Variants in CCDC88C observed in about 807,000 individuals in gnomAD.
The protein encoded by CCDC88C is coiled-coil and HOOK domain protein 88C, also known as protein Daple.
In CCDC88C, 131 loss-of-function variants were observed where a neutral mutation model predicts 198.8. That is an observed-to-expected ratio of 0.66 (90% CI 0.57 to 0.76). The LOEUF (loss-of-function observed/expected upper bound fraction) is 0.76, where lower values mean the gene tolerates loss of function less well. Among genes scored for constraint, CCDC88C ranks in the 30% least tolerant of loss-of-function variants. CCDC88C has a pLI of 0.00. For missense variants in CCDC88C, 2,553 were observed against 2,631.6 expected (o/e 0.97, Z 0.65); for synonymous variants, 1,166 against 1,114.7 (o/e 1.05, Z -0.92).
intron 3 of CCDC88C, among the ~76,000 whole-genome samples, chr14:91,361,888 G>C (rs1250480807): frequency 6.6e-6 from 1 of 152,150 alleles, no homozygotes; most frequent in Admixed American, 6.6e-5. Flanking sequence ...AGTGAAAGGA[G>C]AGTGCCCAAT....
At chr14:91,357,102 G>A (rs1347718741) in intron 4 of CCDC88C, among the ~76,000 whole-genome samples, 3 of 152,234 alleles carry the variant, frequency 2.0e-5, no homozygotes, top group South Asian at 2.1e-4. Context: ...GTTTGGGGGC[G>A]GACAGAGCAG....
chr14:91,297,143 G>A (rs188914726), intron 22 of CCDC88C, among the ~76,000 whole-genome samples, 162 bp downstream of exon 22: 1 of 152,298 alleles, frequency 6.6e-6, no homozygotes, highest in Admixed American at 6.5e-5. Context: ...AATGACCCCC[G>A]TCAGCACCTC....
intron 13 of CCDC88C, among the ~76,000 whole-genome samples, chr14:91,316,727 G>C (rs1188938392): frequency 6.6e-6 from 1 of 152,198 alleles, no homozygotes; most frequent in African/African-American, 2.4e-5. Context: ...TTGCATTTCT[G>C]ATTGCTGTTG....
rs745446764 is a variant in CCDC88C at position 91,414,578 on chromosome 14, G to C, written c.161+2160C>G. 4.6e-5 allele frequency among the ~76,000 whole-genome samples: 7 copies of C among 152,254 alleles called. No homozygotes were observed. The South Asian group carries it at 1.0e-3, about 23-fold the overall frequency. On this transcript the variant is annotated intron_variant, in intron 2 of 29. Coordinates refer to ENST00000389857, the MANE Select transcript of CCDC88C (RefSeq NM_001080414.4). ...TTCCAGTCAATCCTCACCACTTCCA[G>C]ACACAAAAACACTATTCTGACTTCT...
At chr14:91,372,464 G>A (rs954073648) in intron 3 of CCDC88C, among the ~76,000 whole-genome samples, 2 of 145,616 alleles carry the variant, frequency 1.4e-5, no homozygotes, top group African/African-American at 2.5e-5. Flanking sequence ...CAAGAAGGAG[G>A]TGGCCGGAAG....
intron 22 of CCDC88C, among the ~76,000 whole-genome samples, chr14:91,295,543 C>G (rs1890965175): frequency 6.6e-6 from 1 of 152,172 alleles, no homozygotes; most frequent in South Asian, 2.1e-4. Context: ...TGGGCCCCAC[C>G]CTTCAGCCCA....
At chr14:91,407,828 G>A (rs1393896743) in intron 3 of CCDC88C, among the ~76,000 whole-genome samples, 1 of 151,194 alleles carries the variant, frequency 6.6e-6, no homozygotes, top group Non-Finnish European at 1.5e-5. Context: ...CTGTCACCAG[G>A]ACAGAGTACA....
intron 10 of CCDC88C, among the ~76,000 whole-genome samples, chr14:91,337,351 T>G (rs889473086): frequency 1.3e-5 from 2 of 152,246 alleles, no homozygotes; most frequent in African/African-American, 4.8e-5. Flanking sequence ...ATTTTATTTT[T>G]AGGGACAGGG....
At chr14:91,316,856 C>T (rs1892121829) in intron 13 of CCDC88C, among the ~76,000 whole-genome samples, 1 of 152,222 alleles carries the variant, frequency 6.6e-6, no homozygotes, top group Non-Finnish European at 1.5e-5. Flanking sequence ...GACCTGTGCA[C>T]CTGATGAACC....
chr14:91,306,652 A>C (rs1596050065), intron 18 of CCDC88C, among the ~76,000 whole-genome samples: 1 of 152,234 alleles, frequency 6.6e-6, no homozygotes, highest in Non-Finnish European at 1.5e-5. Flanking sequence ...TTTCCATCTC[A>C]ACCTAAAGAA....
Position 91,352,046 on chromosome 14 carries a change from G to A in CCDC88C, c.340+7596C>T, listed in dbSNP as rs1190013697. On this transcript the variant is annotated intron_variant, in intron 4 of 29. Transcript: ENST00000389857. This position sits in a 1 kb window ranked among gnomAD's most constrained non-coding sequence, Gnocchi z 4.2. ...ACTCAAGTTTGCCCTGGGAAGGGGCGAGGAGCTAGGGCAGGCAGGGGACGC... is the reference window on the plus strand; with the variant it reads ...ACTCAAGTTTGCCCTGGGAAGGGGCAAGGAGCTAGGGCAGGCAGGGGACGC... Among the ~76,000 whole-genome samples the A allele has an allele frequency of 1.3e-5, 2 of 152,238 alleles. No homozygotes were observed. The highest frequency in any genetic ancestry group is 2.9e-5 in the Non-Finnish European group (2 of 68,044).
At chr14:91,364,456 T>C (rs933327888) in intron 3 of CCDC88C, among the ~76,000 whole-genome samples, 1 of 152,068 alleles carries the variant, frequency 6.6e-6, no homozygotes, top group Non-Finnish European at 1.5e-5. Context: ...GGCAGGTGCA[T>C]TTGTGTTTTG....
At chr14:91,343,184 G>A (rs1052178301) in intron 5 of CCDC88C, among the ~76,000 whole-genome samples, 2 of 152,084 alleles carry the variant, frequency 1.3e-5, no homozygotes, top group Non-Finnish European at 2.9e-5. Context: ...TTGAACTCCC[G>A]ACCTCAAGCG....
chr14:91,384,271 CTCTT>C (rs1203755546), intron 3 of CCDC88C: 28 of 298,894 alleles, frequency 9.4e-5, no homozygotes, highest in African/African-American at 7.9e-4. Context: ...ACCCCCATCT[CTCTT>C]TTTTTTTTTT....
chr14:91,355,643 C>A (rs2139895713), intron 4 of CCDC88C, among the ~76,000 whole-genome samples: 1 of 152,294 alleles, frequency 6.6e-6, no homozygotes, highest in East Asian at 1.9e-4. Context: ...ATTTCAAAAG[C>A]AATTTTCAGT....
intron 10 of CCDC88C, among the ~76,000 whole-genome samples, chr14:91,328,179 TGGAGATGGCCAGGAGTG>T (rs1466585642): frequency 6.6e-6 from 1 of 152,202 alleles, no homozygotes; most frequent in Non-Finnish European, 1.5e-5. Context: ...CCGGAATGAA[TGGAGATGGCCAGGAGTG>T]GGAGATGGCA....
chr14:91,375,707 C>G (rs372264361), intron 3 of CCDC88C, among the ~76,000 whole-genome samples: 1 of 152,190 alleles, frequency 6.6e-6, no homozygotes, highest in Admixed American at 6.5e-5. Flanking sequence ...AGCCCTGCCT[C>G]GGCAGCAAGT....
In CCDC88C at chr14:91,408,954, G is replaced by A. The variant is rs553597673; in HGVS notation, c.162-187C>T. On this transcript the variant is annotated intron_variant, in intron 2 of 29. Coordinates refer to ENST00000389857, the MANE Select transcript of CCDC88C (RefSeq NM_001080414.4). ...GCCAGGACCTCAGGTGGGCCACATC[G>A]CCTTTCTGCTCCCTGACCCGAGCAC... Among the ~76,000 whole-genome samples, 171 of 152,176 alleles carry A rather than the reference G, an allele frequency of 1.1e-3. 1 individual carries two copies. The highest frequency in any genetic ancestry group is 5.4e-4 in the Non-Finnish European group (37 of 68,006).
rs2139807141 is a variant in CCDC88C, at chr14:91,314,006, C to T, written c.1810G>A (p.Gly604Ser). 6.2e-7 allele frequency: 1 copy of T among 1,613,924 alleles called. No individual in the cohort carries two copies. The highest frequency in any genetic ancestry group is 8.5e-7 in the Non-Finnish European group (1 of 1,179,876). ...TCAAACTCCAACTGGCTGAGCTTGC[C>T]ATTGGCCTCCGTCACCGTCTGGTGG... is the stretch of plus-strand genomic sequence containing the variant. ...ALHQTVTEAN[G>S]KLSQLEFEKR... The change falls in exon 15 of 30, where the codon GGC becomes AGC. Residue 604 changes from glycine to serine, a missense_variant. Gly to Ser is a moderately conservative substitution (Grantham distance 56). Around this residue, in one of 2 missense-constraint regions of CCDC88C, gnomAD observed 1,260 missense variants for 1,412.0 expected, o/e 0.89. Coordinates refer to ENST00000389857, the MANE Select transcript of CCDC88C (RefSeq NM_001080414.4).
Sources: allele counts gnomAD v4.1 joint callset (sites outside exome capture counted in the v4.1 genomes callset), GRCh38; gene constraint gnomAD v4.1.1; regional missense constraint gnomAD v4.1.1; non-coding constraint Gnocchi (gnomAD v3.1); transcripts MANE v1.5; gene names NCBI Gene and HGNC (gene_info 2026-07-23, HGNC 2026-07-21).